The following CHRNA2 variants were observed in gnomAD, a reference collection of about 807,000 sequenced individuals.
CHRNA2 encodes the protein neuronal acetylcholine receptor subunit alpha-2.
In CHRNA2, 40 loss-of-function variants were observed where a neutral mutation model predicts 45.5. The ratio of observed to expected loss-of-function variants is 0.88; its 90% CI spans 0.68 to 1.15. The LOEUF is 1.15. Ranked by LOEUF, CHRNA2 falls within the 50% of genes most tolerant of loss-of-function variation. CHRNA2 has a pLI of 0.00. For missense variants in CHRNA2, 655 were observed against 701.7 expected (o/e 0.93, Z 0.75); for synonymous variants, 301 against 296.7 (o/e 1.01, Z -0.15).
chr8:27,462,910 G>T (rs1812541936), intron 6 of CHRNA2, 69 bp downstream of exon 6: 2 of 1,600,444 alleles, frequency 1.2e-6, no homozygotes, highest in Admixed American at 1.7e-5. Context: ...CTCACACTCT[G>T]CGGTAAGGTG....
In CHRNA2 at chr8:27,478,998, C is replaced by T. The variant is rs1156556340; in HGVS notation, c.-311G>A. 6.6e-6 allele frequency: 1 copy of T among 152,060 alleles called. No homozygotes were observed. Among genetic ancestry groups the T allele is most frequent in the Non-Finnish European group, 1.5e-5 (1 of 68,090 alleles). 9.4% of individuals were successfully genotyped at this position (152,060 alleles called of 1,614,324 possible). A position where few individuals can be genotyped will look rare whatever the true frequency, so the allele number is the denominator to read the frequency against. On this transcript the variant is annotated 5_prime_UTR_variant, in exon 1 of 7. In the 5' UTR this introduces an upstream ATG that the reference lacks. Transcript: ENST00000407991. ...CTGAAGAGTGAGGGTTTAGGAGACA[C>T]CCCGTCGAGCAGAAGACTTACATGA...
At chr8:27,471,332 C>T (rs1329092703) in intron 1 of CHRNA2, 138 bp from the exon 2 acceptor site, 3 of 413,088 alleles carry the variant, frequency 7.3e-6, no homozygotes, top group African/African-American at 6.1e-5. Flanking sequence ...TGCTCCTGGG[C>T]TCTCCCTGGC....
chr8:27,462,311 T>TG (rs1812518106), intron 6 of CHRNA2, among the ~76,000 whole-genome samples: 1 of 152,166 alleles, frequency 6.6e-6, no homozygotes, highest in Non-Finnish European at 1.5e-5. Context: ...TTCTTGTCTG[T>TG]TCATCAAGGC....
chr8:27,468,863 C>G (rs992143293), intron 4 of CHRNA2, among the ~76,000 whole-genome samples: 1 of 152,216 alleles, frequency 6.6e-6, no homozygotes, highest in African/African-American at 2.4e-5. Flanking sequence ...CTGTGAGCCT[C>G]TAAGTTTGGG....
At chr8:27,472,570 A>G (rs1378314556) in intron 1 of CHRNA2, among the ~76,000 whole-genome samples, 1 of 152,220 alleles carries the variant, frequency 6.6e-6, no homozygotes, top group African/African-American at 2.4e-5. Flanking sequence ...TACACATTGT[A>G]TGATCCTACT....
Position 27,469,951 on chromosome 8 carries a change from C to G in CHRNA2, c.104G>C (p.Arg35Thr), listed in dbSNP as rs1263157485. The G allele has an allele frequency of 6.2e-7, 1 of 1,613,960 alleles. No homozygotes were observed. The highest frequency in any genetic ancestry group is 1.7e-5 in the Admixed American group (1 of 60,018). The change falls in exon 3 of 7, where the codon AGG (arginine) becomes ACG (threonine). Residue 35 changes from arginine (R) to threonine (T), a missense_variant. By Grantham distance (71) the Arg-to-Thr change is moderately conservative. Transcript: ENST00000407991. Reference protein sequence around the residue: ...GGEEAKRPPPRAPGDPLSSPS... With the variant: ...GGEEAKRPPPTAPGDPLSSPS... ...AGAGGAGAGTGGGTCTCCAGGAGCC[C>G]TGGGAGGTGGGCGCTTAGCTTCCTC...
chr8:27,468,786 T>C (rs968239742), intron 4 of CHRNA2, among the ~76,000 whole-genome samples: 5 of 152,158 alleles, frequency 3.3e-5, no homozygotes, highest in African/African-American at 9.7e-5. Context: ...GTGGTCACCA[T>C]GTGAAGCAGA....
chr8:27,478,290 T>G (rs956323912), intron 1 of CHRNA2, among the ~76,000 whole-genome samples: 5 of 152,176 alleles, frequency 3.3e-5, no homozygotes, highest in African/African-American at 1.2e-4. Context: ...TTTATATCTG[T>G]TTTGCTCAAT....
chr8:27,478,571 A>G (rs1813131968), intron 1 of CHRNA2, among the ~76,000 whole-genome samples: 2 of 152,240 alleles, frequency 1.3e-5, no homozygotes, highest in Non-Finnish European at 2.9e-5. Flanking sequence ...GAGCAGATAC[A>G]GTGTAACAAA....
chr8:27,476,270 C>A (rs1290701063), intron 1 of CHRNA2, among the ~76,000 whole-genome samples: 1 of 152,226 alleles, frequency 6.6e-6, no homozygotes, highest in Non-Finnish European at 1.5e-5. Context: ...GCTAGAGTCT[C>A]ATCCACTCGT....
chr8:27,472,693 C>T (rs887454534), intron 1 of CHRNA2, among the ~76,000 whole-genome samples: 7 of 152,038 alleles, frequency 4.6e-5, no homozygotes, highest in Non-Finnish European at 1.0e-4. Flanking sequence ...ACTGAGTTTC[C>T]CTTAGAGGGG....
At position 27,461,761 on chromosome 8, in the gene CHRNA2, G is replaced by A; in HGVS notation, c.1465-7C>T. 6.2e-7 allele frequency: 1 copy of A among 1,614,064 alleles called. No individual in the cohort carries two copies. The highest frequency in any genetic ancestry group is 8.5e-7 in the Non-Finnish European group (1 of 1,179,932). On this transcript the variant is annotated splice_polypyrimidine_tract_variant and splice_region_variant and intron_variant, in intron 6 of 6. Coordinates refer to ENST00000407991, the MANE Select transcript of CHRNA2 (RefSeq NM_000742.4). ...ACTTCCAGTCCTCCTTCACCTGTGG[G>A]GAAGACAGCACACAGTGACAGGGGC... is the stretch of plus-strand genomic sequence containing the variant.
At chr8:27,473,527 C>G (rs573355791) in intron 1 of CHRNA2, among the ~76,000 whole-genome samples, 7 of 118,600 alleles carry the variant, frequency 5.9e-5, no homozygotes, top group African/African-American at 9.6e-5. Context: ...TAGTGAGACC[C>G]CCCCCGCCGT....
intron 6 of CHRNA2, 22 bp from the exon 7 acceptor site, chr8:27,461,776 G>A (rs372045876): frequency 1.2e-6 from 2 of 1,613,854 alleles, no homozygotes; most frequent in Admixed American, 3.3e-5. Flanking sequence ...ACAGCACACA[G>A]TGACAGGGGC....
At chr8:27,478,126 T>C (rs1217041010) in intron 1 of CHRNA2, among the ~76,000 whole-genome samples, 1 of 152,324 alleles carries the variant, frequency 6.6e-6, no homozygotes, top group Non-Finnish European at 1.5e-5. Context: ...CTTTCTGCTG[T>C]CCAGAACCTC....
At chr8:27,467,601 G>A (rs183276939) in intron 4 of CHRNA2, 109 of 455,084 alleles carry the variant, frequency 2.4e-4, no homozygotes, top group African/African-American at 1.3e-3. Context: ...TCTAGTCCTC[G>A]CTCTGCCAAT....
Position 27,467,232 on chromosome 8 carries a change from T to C in CHRNA2, c.446A>G (p.Asn149Ser). The C allele has an allele frequency of 6.2e-7, 1 of 1,611,790 alleles. No individual in the cohort carries two copies. Among genetic ancestry groups the C allele is most frequent in the Non-Finnish European group, 8.5e-7 (1 of 1,177,908 alleles). Residue 149 changes from asparagine to serine, a missense_variant, in exon 5 of 7, where the codon AAC becomes AGC. By Grantham distance (46) the Asn-to-Ser change is conservative. Around this residue, in one of 3 missense-constraint regions of CHRNA2, gnomAD observed 323 missense variants for 354.4 expected, o/e 0.91. Transcript: ENST00000407991. The stretch of plus-strand genomic sequence containing the variant: ...CAGGACCCCAATGGCTTCCTACTTG[T>C]TGTAGAGAACAATGTCGGGGATCCA... ...MIWIPDIVLY[N>S]NADGEFAVTH...
At chr8:27,461,781 A>G (rs756820138) in intron 6 of CHRNA2, 27 bp from the exon 7 acceptor site, 32 of 1,613,752 alleles carry the variant, frequency 2.0e-5, no homozygotes, top group Non-Finnish European at 2.5e-5. Flanking sequence ...ACACAGTGAC[A>G]GGGGCCAGGC....
chr8:27,467,653 A>G (rs1462963993), intron 4 of CHRNA2: 1 of 358,014 alleles, frequency 2.8e-6, no homozygotes, highest in African/African-American at 2.1e-5. Flanking sequence ...ACTCATCTCT[A>G]GTGAAATCTC....
Sources: allele counts gnomAD v4.1 joint callset (sites outside exome capture counted in the v4.1 genomes callset), GRCh38; gene constraint gnomAD v4.1.1; regional missense constraint gnomAD v4.1.1; transcripts MANE v1.5; gene names NCBI Gene and HGNC (gene_info 2026-07-23, HGNC 2026-07-21).